SMAD5: variants seen among roughly 807,000 people sequenced by gnomAD.
The protein encoded by SMAD5 is SMAD family member 5.
In SMAD5, 9 loss-of-function variants were observed where a neutral mutation model predicts 43.1. The ratio of observed to expected loss-of-function variants is 0.21; its 90% CI spans 0.13 to 0.36. SMAD5 has a LOEUF of 0.36. SMAD5 is among the 10% of genes least tolerant of loss of function. The pLI is 1.00. For synonymous variants in SMAD5, 190 were observed against 192.4 expected, an observed-to-expected ratio of 0.99 and a Z score of 0.10; for missense variants, 348 against 574.0, an observed-to-expected ratio of 0.61 and a Z score of 4.02.
At chr5:136,176,908 A>G (rs1371029450) in intron 7 of SMAD5, among the ~76,000 whole-genome samples, 2 of 152,074 alleles carry the variant, frequency 1.3e-5, no homozygotes, top group Admixed American at 6.6e-5. Context: ...TTTACCCACA[A>G]TTTTTGCATT....
At chr5:136,156,976 A>G (rs1052276278) in intron 3 of SMAD5, among the ~76,000 whole-genome samples, 3 of 152,210 alleles carry the variant, frequency 2.0e-5, no homozygotes, top group African/African-American at 4.8e-5. Context: ...TTAAGCAGCT[A>G]TGACGCAGAA....
rs371268695 is a variant in SMAD5 at position 136,174,596 on chromosome 5, C to T, written c.1218C>T (p.Leu406=). ...VNHGFEAVYE[L]TKMCTIRMSF... is the part of the protein sequence containing the mutation. ...ATGGGTTTGAGGCAGTATATGAGCT[C>T]ACCAAAATGTGTACCATTCGGATGA... Residue 406 remains leucine (L), a synonymous_variant, in exon 7 of 8, where the codon CTC becomes CTT. Transcript: ENST00000545279. The T allele has an allele frequency of 4.3e-6, 7 of 1,613,008 alleles. No homozygotes were observed. In the Admixed American group the frequency reaches 5.0e-5, roughly 12 times the overall value.
chr5:136,148,840 T>C (rs756763969), intron 2 of SMAD5, among the ~76,000 whole-genome samples: 3 of 151,894 alleles, frequency 2.0e-5, no homozygotes, highest in Non-Finnish European at 4.4e-5. Context: ...CACTTGTGAA[T>C]AGGGACTGAT....
At chr5:136,164,996 T>A (rs1463793032) in intron 5 of SMAD5, among the ~76,000 whole-genome samples, 1 of 152,194 alleles carries the variant, frequency 6.6e-6, no homozygotes, top group Admixed American at 6.5e-5. Context: ...ATTAACATCT[T>A]TGTCAGAAAT....
At position 136,180,962 on chromosome 5, in the gene SMAD5, T is replaced by A. The variant is rs1037904955; in HGVS notation, c.*3482T>A. The stretch of plus-strand genomic sequence containing the variant: ...CTTCCATATTACCTGAGGGTACCTG[T>A]GGGGAACAGTTCCTTCCCCTGTGTG... On this transcript the variant is annotated 3_prime_UTR_variant, in exon 8 of 8. Transcript: ENST00000545279. 5.3e-5 allele frequency: 8 copies of A among 152,170 alleles called. No homozygotes were observed. The highest frequency in any genetic ancestry group is 3.9e-4 in the Admixed American group (6 of 15,278). The allele number at this position is 152,170 out of a possible 1,614,324, so 9.4% of individuals were successfully genotyped here.
chr5:136,157,838 CT>C (rs1200496036), intron 3 of SMAD5, among the ~76,000 whole-genome samples: 1 of 152,076 alleles, frequency 6.6e-6, no homozygotes, highest in Non-Finnish European at 1.5e-5. Context: ...TTAGGGACCC[CT>C]GATCTAATAG....
chr5:136,160,937 ACAATGAAC>A lies in SMAD5; in HGVS notation c.488_495del (p.Asn163ThrfsTer34). ...CTGGTTCAGTTTAGGAACCTGAGCC[ACAATGAAC>A]CACACATGCCACAAAATGCCACGTT... On this transcript the variant is annotated frameshift_variant, in exon 4 of 8. Transcript: ENST00000545279. LOFTEE classifies it high-confidence loss of function. 1 of 1,613,986 alleles carries A rather than the reference ACAATGAAC, an allele frequency of 6.2e-7. No individual in the cohort carries two copies. The highest frequency in any genetic ancestry group is 8.5e-7 in the Non-Finnish European group (1 of 1,179,888).
intron 3 of SMAD5, among the ~76,000 whole-genome samples, chr5:136,157,202 G>A (rs962209331): frequency 1.3e-5 from 2 of 152,106 alleles, no homozygotes; most frequent in South Asian, 4.1e-4. Flanking sequence ...ACTTAGGCAT[G>A]CTCACACAGT....
chr5:136,159,543 A>G (rs1580784039), intron 3 of SMAD5, among the ~76,000 whole-genome samples: 1 of 152,088 alleles, frequency 6.6e-6, no homozygotes, highest in East Asian at 1.9e-4. Flanking sequence ...GCATACCTCT[A>G]AAGAAAAAAA....
At chr5:136,174,775 T>C in intron 7 of SMAD5, 143 bp downstream of exon 7, 1 of 602,842 alleles carries the variant, frequency 1.7e-6, no homozygotes, top group Non-Finnish European at 2.9e-6. Flanking sequence ...AATTATTGAA[T>C]TTGTAATTTT....
At chr5:136,174,692 G>T in intron 7 of SMAD5, 60 bp downstream of exon 7, 5 of 1,223,824 alleles carry the variant, frequency 4.1e-6, no homozygotes, top group South Asian at 1.5e-5. Context: ...ATGACTTTAG[G>T]TTATAATTTT....
At chr5:136,157,569 T>C (rs1753681245) in intron 3 of SMAD5, among the ~76,000 whole-genome samples, 3 of 152,136 alleles carry the variant, frequency 2.0e-5, no homozygotes, top group African/African-American at 7.2e-5. Flanking sequence ...CCAGGCATGA[T>C]GGGAGACAGT....
chr5:136,146,457 G>A (rs4447980), intron 1 of SMAD5, among the ~76,000 whole-genome samples: 54,613 of 151,516 alleles, frequency 0.36, 10,825 homozygotes, highest in African/African-American at 0.54. Flanking sequence ...TTAGTGAAAG[G>A]CAAAGGGGGC....
At chr5:136,139,487 C>A (rs974559076) in intron 1 of SMAD5, among the ~76,000 whole-genome samples, 2 of 152,070 alleles carry the variant, frequency 1.3e-5, no homozygotes, top group African/African-American at 4.8e-5. Context: ...TTGTTAACTC[C>A]TTTGTTCTCA....
At chr5:136,174,006 T>C (rs1346107873) in intron 6 of SMAD5, among the ~76,000 whole-genome samples, 9 of 152,076 alleles carry the variant, frequency 5.9e-5, no homozygotes, top group Non-Finnish European at 1.3e-4. Flanking sequence ...GTCAAATGAC[T>C]GTTTATGATA....
intron 3 of SMAD5, among the ~76,000 whole-genome samples, chr5:136,158,947 T>G (rs1034254180): frequency 6.6e-6 from 1 of 152,068 alleles, no homozygotes; most frequent in Non-Finnish European, 1.5e-5. Context: ...GTGAATAAAT[T>G]ATTTGATTAT....
intron 2 of SMAD5, among the ~76,000 whole-genome samples, chr5:136,149,163 C>G (rs1753363169): frequency 6.6e-6 from 1 of 151,760 alleles, no homozygotes; most frequent in Non-Finnish European, 1.5e-5. Context: ...TTTACACATA[C>G]TAGTTCTTTC....
chr5:136,134,937 T>C (rs1752823334), intron 1 of SMAD5: 1 of 152,240 alleles, frequency 6.6e-6, no homozygotes, highest in Non-Finnish European at 1.5e-5. Context: ...TCAACTGACT[T>C]TACTCTCAGG....
rs570095908 is a variant in SMAD5, at chr5:136,145,708, T to C, written c.-244-2124T>C. Among the ~76,000 whole-genome samples the C allele has an allele frequency of 2.3e-4, 35 of 152,092 alleles. 1 individual carries two copies. The South Asian group carries it at 7.0e-3, about 31-fold the overall frequency. ...GTTGCCCTTTATTGAGTATGCACTGTGTACTAAGTGTTTCTCACTTAATTC... is the reference window on the plus strand; with the variant it reads ...GTTGCCCTTTATTGAGTATGCACTGCGTACTAAGTGTTTCTCACTTAATTC... On this transcript the variant is annotated intron_variant, in intron 1 of 7. Coordinates refer to ENST00000545279, the MANE Select transcript of SMAD5 (RefSeq NM_005903.7).
Sources: gnomAD v4.1 joint callset for allele counts (sites outside exome capture counted in the v4.1 genomes callset) on GRCh38, gnomAD v4.1.1 for gene constraint, MANE v1.5 for transcripts, NCBI Gene and HGNC (gene_info 2026-07-23, HGNC 2026-07-21) for gene names.